Variants in SCGB2A1 observed in about 807,000 individuals in gnomAD.
SCGB2A1 encodes mammaglobin-B.
SCGB2A1 carries 6 observed loss-of-function variants against 9.2 expected under a neutral mutation model. The observed-to-expected ratio is 0.66, with a 90% CI of 0.36 to 1.29. The LOEUF (loss-of-function observed/expected upper bound fraction) is 1.29. Among genes scored for constraint, SCGB2A1 ranks in the 50% most tolerant of loss-of-function variants. The probability of loss-of-function intolerance (pLI) is 0.03; values close to 1 mark genes in which losing one functional copy is unlikely to be tolerated. For missense variants in SCGB2A1, 138 were observed against 116.9 expected (o/e 1.18, Z -0.83); for synonymous variants, 37 against 41.0 (o/e 0.90, Z 0.37).
chr11:62,211,985 C>A (rs1290589082), intron 2 of SCGB2A1, among the ~76,000 whole-genome samples: 1 of 152,044 alleles, frequency 6.6e-6, no homozygotes, highest in Non-Finnish European at 1.5e-5. Context: ...TGCAATGGCA[C>A]GATCTCGGCT....
rs1022606302 is a variant in SCGB2A1 at position 62,210,402 on chromosome 11, T to A, written c.56-11T>A. 6 of 1,457,836 alleles carry A rather than the reference T, an allele frequency of 4.1e-6. No individual in the cohort carries two copies. The highest frequency in any genetic ancestry group is 5.4e-6 in the Non-Finnish European group (6 of 1,111,470). 90.3% of individuals were successfully genotyped at this position (1,457,836 alleles called of 1,614,324 possible). ...TTCTTGTGTCTTTTTTTTTTTTTTT[T>A]TTTTTTCCAGATTCTGGCTGCAAAC... On this transcript the variant is annotated splice_polypyrimidine_tract_variant and intron_variant, in intron 1 of 2. Coordinates refer to ENST00000244930, the MANE Select transcript of SCGB2A1 (RefSeq NM_002407.3).
At chr11:62,209,338 T>A (rs959967463) in intron 1 of SCGB2A1, among the ~76,000 whole-genome samples, 16 of 152,252 alleles carry the variant, frequency 1.1e-4, no homozygotes, top group Admixed American at 1.0e-3. Flanking sequence ...GGAGTCTCCT[T>A]CCAGCACTAA....
chr11:62,210,139 C>T (rs1380982021), intron 1 of SCGB2A1, among the ~76,000 whole-genome samples: 2 of 152,140 alleles, frequency 1.3e-5, no homozygotes, highest in South Asian at 2.1e-4. Flanking sequence ...CTATGTCCCC[C>T]CAGTCAGAAC....
intron 2 of SCGB2A1, among the ~76,000 whole-genome samples, chr11:62,213,065 TATATACATATATACACATATATACAC>T (rs1944849094): frequency 1.8e-5 from 2 of 109,536 alleles, no homozygotes; most frequent in African/African-American, 7.1e-5. Context: ...TATATACACA[TATATACATATATACACATATATACAC>T]ATATATATAT....
At chr11:62,212,987 T>TGTGCAC (rs1565121343) in intron 2 of SCGB2A1, among the ~76,000 whole-genome samples, 2 of 143,130 alleles carry the variant, frequency 1.4e-5, no homozygotes, top group African/African-American at 5.6e-5. Flanking sequence ...TGTGCACATA[T>TGTGCAC]ACATGCATAT....
At chr11:62,213,110 T>TTTTTC in intron 2 of SCGB2A1, among the ~76,000 whole-genome samples, 1 of 97,582 alleles carries the variant, frequency 1.0e-5, no homozygotes, top group African/African-American at 3.4e-5. Context: ...ATATATATTT[T>TTTTTC]TTTTTTTGTA....
At chr11:62,210,232 G>A (rs1296794102) in intron 1 of SCGB2A1, among the ~76,000 whole-genome samples, 181 bp from the exon 2 acceptor site, 2 of 152,158 alleles carry the variant, frequency 1.3e-5, no homozygotes, top group Non-Finnish European at 2.9e-5. Flanking sequence ...AGAATTTGCA[G>A]AGCCTGAGTT....
chr11:62,209,083 A>T (rs77466459), intron 1 of SCGB2A1, among the ~76,000 whole-genome samples: 1,813 of 151,946 alleles, frequency 0.012, 36 homozygotes, highest in African/African-American at 0.038. Context: ...GAACTATTTC[A>T]GTGGGGCAAG....
At chr11:62,211,929 T>C (rs1944834339) in intron 2 of SCGB2A1, among the ~76,000 whole-genome samples, 1 of 152,002 alleles carries the variant, frequency 6.6e-6, no homozygotes, top group African/African-American at 2.4e-5. Context: ...TTTTTGTTTT[T>C]CGTTTTTTTC....
At chr11:62,208,962 G>T (rs1282389709) in intron 1 of SCGB2A1, among the ~76,000 whole-genome samples, 176 bp downstream of exon 1, 1 of 152,132 alleles carries the variant, frequency 6.6e-6, no homozygotes, top group African/African-American at 2.4e-5. Context: ...GTGTCCTCAT[G>T]GGCTGTCCCC....
chr11:62,211,352 A>G (rs75653924), intron 2 of SCGB2A1, among the ~76,000 whole-genome samples: 4 of 143,990 alleles, frequency 2.8e-5, no homozygotes, highest in Non-Finnish European at 6.2e-5. Flanking sequence ...ATTTTTTTTT[A>G]TCTAGCTCAG....
At chr11:62,213,013 C>CACATATATACACATATAT in intron 2 of SCGB2A1, among the ~76,000 whole-genome samples, 1 of 24,184 alleles carries the variant, frequency 4.1e-5, no homozygotes, top group East Asian at 0.071. Flanking sequence ...CACATATATG[C>CACATATATACACATATAT]ACATATATAC....
At chr11:62,213,028 A>ACGTGCACATATG in intron 2 of SCGB2A1, among the ~76,000 whole-genome samples, 1 of 59,108 alleles carries the variant, frequency 1.7e-5, no homozygotes, top group Middle Eastern at 6.3e-3. Flanking sequence ...ATATACATAT[A>ACGTGCACATATG]TACACACATA....
Position 62,213,821 on chromosome 11 carries a change from A to C in SCGB2A1, c.*51A>C. On this transcript the variant is annotated 3_prime_UTR_variant, in exon 3 of 3. Transcript: ENST00000244930. The stretch of plus-strand genomic sequence containing the variant: ...GGGCTACAGACTATGGCCAGAACTC[A>C]TCTGTTGATTGCTAGAAACCACTTT... The C allele has an allele frequency of 1.3e-6, 2 of 1,488,996 alleles. No homozygotes were observed. The highest frequency in any genetic ancestry group is 1.8e-6 in the Non-Finnish European group (2 of 1,083,630). 92.2% of individuals were successfully genotyped at this position (1,488,996 alleles called of 1,614,324 possible).
chr11:62,208,724 G>T lies in SCGB2A1; in HGVS notation c.-8G>T. Reference sequence around the variant, plus strand: ...GCACGACTGAACACAGACAGCAGCCGCCTCGCCATGAAGCTGCTGATGGTC... The same window carrying T: ...GCACGACTGAACACAGACAGCAGCCTCCTCGCCATGAAGCTGCTGATGGTC... On this transcript the variant is annotated 5_prime_UTR_variant, in exon 1 of 3. Transcript: ENST00000244930. The T allele has an allele frequency of 6.2e-7, 1 of 1,613,458 alleles. No individual in the cohort carries two copies. Among genetic ancestry groups the T allele is most frequent in the African/African-American group, 1.3e-5 (1 of 75,044 alleles).
intron 1 of SCGB2A1, among the ~76,000 whole-genome samples, chr11:62,209,155 C>A (rs562696106): frequency 1.3e-5 from 2 of 152,116 alleles, no homozygotes; most frequent in Admixed American, 6.5e-5. Flanking sequence ...GAATATGGAA[C>A]GAAATAGGAA....
At chr11:62,211,342 AT>A (rs5792249) in intron 2 of SCGB2A1, among the ~76,000 whole-genome samples, 45,930 of 151,718 alleles carry the variant, frequency 0.3, 8,545 homozygotes, top group East Asian at 0.76. Context: ...AAACATTCTT[AT>A]TTTTTTTTAT....
At chr11:62,210,024 CCTAGACCCATTCAT>C (rs1944815808) in intron 1 of SCGB2A1, among the ~76,000 whole-genome samples, 1 of 152,156 alleles carries the variant, frequency 6.6e-6, no homozygotes, top group Non-Finnish European at 1.5e-5. Flanking sequence ...TGGACAATGT[CCTAGACCCATTCAT>C]CTGAAATCCT....
At chr11:62,209,592 G>A (rs1944811413) in intron 1 of SCGB2A1, among the ~76,000 whole-genome samples, 1 of 151,686 alleles carries the variant, frequency 6.6e-6, no homozygotes, top group East Asian at 1.9e-4. Context: ...TACAGTGGGA[G>A]GTGACCTCAG....
Sources: allele counts gnomAD v4.1 joint callset (sites outside exome capture counted in the v4.1 genomes callset), GRCh38; gene constraint gnomAD v4.1.1; transcripts MANE v1.5; gene names NCBI Gene and HGNC (gene_info 2026-07-23, HGNC 2026-07-21).